JAKMIP1: variants seen among roughly 807,000 people sequenced by gnomAD.
The protein encoded by JAKMIP1 is janus kinase and microtubule interacting protein 1.
Under a neutral mutation model 113.0 loss-of-function variants are expected in JAKMIP1, and 33 were observed. That is an observed-to-expected ratio of 0.29 (90% CI 0.22 to 0.39). The LOEUF (loss-of-function observed/expected upper bound fraction) is 0.39. JAKMIP1 is among the 10% of genes least tolerant of loss of function. JAKMIP1 has a pLI of 1.00. For synonymous variants in JAKMIP1, 480 were observed against 459.9 expected (o/e 1.04, Z -0.56); for missense variants, 813 against 1,080.5 (o/e 0.75, Z 3.47).
chr4:6,078,327 A>AC (rs1386511879), intron 8 of JAKMIP1, among the ~76,000 whole-genome samples: 36 of 103,742 alleles, frequency 3.5e-4, no homozygotes, highest in African/African-American at 2.0e-3. Context: ...AAAAAAAAAC[A>AC]AAAAAAAAAT....
At chr4:6,164,111 C>T (rs1723286547) in intron 1 of JAKMIP1, among the ~76,000 whole-genome samples, 1 of 152,188 alleles carries the variant, frequency 6.6e-6, no homozygotes, top group African/African-American at 2.4e-5. Context: ...GATGAAACAA[C>T]CTTATATTGG....
chr4:6,054,461 G>T (rs1465915645), intron 12 of JAKMIP1, among the ~76,000 whole-genome samples: 1 of 152,228 alleles, frequency 6.6e-6, no homozygotes, highest in Admixed American at 6.5e-5. Context: ...GAGGCATGAA[G>T]CTATGAAGTC....
Position 6,112,956 on chromosome 4 carries a change from G to A in JAKMIP1, c.-106C>T, listed in dbSNP as rs1335727021. On this transcript the variant is annotated 5_prime_UTR_variant, in exon 2 of 21. Coordinates refer to ENST00000409021, the MANE Select transcript of JAKMIP1 (RefSeq NM_001099433.2). ...TCCACCGTGCTAACCAGTCGCGCAGGACTCAGCTCGCCCTCCGAGGAAACC... is the reference window on the plus strand; with the variant it reads ...TCCACCGTGCTAACCAGTCGCGCAGAACTCAGCTCGCCCTCCGAGGAAACC... 6 of 1,442,600 alleles carry A rather than the reference G, an allele frequency of 4.2e-6. No homozygotes were observed. Among genetic ancestry groups the A allele is most frequent in the East Asian group, 5.1e-5 (2 of 39,580 alleles). The allele number at this position is 1,442,600 out of a possible 1,614,324, so 89.4% of individuals were successfully genotyped here. A position where few individuals can be genotyped will look rare whatever the true frequency, so the allele number is the denominator to read the frequency against.
chr4:6,080,984 TACAC>T lies in JAKMIP1; in HGVS notation c.1101+621_1101+624del, dbSNP rs71173403. Among the ~76,000 whole-genome samples the T allele has an allele frequency of 7.8e-5, 11 of 141,068 alleles. No individual in the cohort carries two copies. Among genetic ancestry groups the T allele is most frequent in the South Asian group, 2.3e-4 (1 of 4,272 alleles). The allele number at this position is 141,068 out of a possible 152,430, so 92.5% of individuals were successfully genotyped here. ...GGAGAGGACTTCACACAACAGCAAT[TACAC>T]ACACACACACACACACACACACACA... On this transcript the variant is annotated intron_variant, in intron 6 of 20. Transcript: ENST00000409021. The surrounding 1 kb of genome is among the most constrained non-coding windows in gnomAD (Gnocchi z 6.0).
In JAKMIP1 at chr4:6,112,640, C is replaced by A. The variant is rs1715132441; in HGVS notation, c.129+82G>T. ...CTCGGCCCCCCTCCTGGAACAGGCT[C>A]TTCACACACATGCCTCAGAGGCAAC... On this transcript the variant is annotated intron_variant, in intron 2 of 20. Transcript: ENST00000409021. 4.2e-5 allele frequency: 64 copies of A among 1,532,264 alleles called. 1 individual carries two copies. The South Asian group carries it at 7.2e-4, about 17-fold the overall frequency. The allele number at this position is 1,532,264 out of a possible 1,614,324, so 94.9% of individuals were successfully genotyped here.
chr4:6,072,125 G>A (rs192789835), intron 8 of JAKMIP1, among the ~76,000 whole-genome samples: 2 of 152,288 alleles, frequency 1.3e-5, no homozygotes, highest in Admixed American at 1.3e-4. Flanking sequence ...GATTTACTGA[G>A]CACAAGACAA....
At chr4:6,191,174 C>T (rs1042856193) in intron 1 of JAKMIP1, among the ~76,000 whole-genome samples, 2 of 152,308 alleles carry the variant, frequency 1.3e-5, no homozygotes, top group South Asian at 2.1e-4. Context: ...TCTTGGGCCA[C>T]GCCAAAGTCA....
At chr4:6,119,500 C>T (rs1401431887) in intron 1 of JAKMIP1, among the ~76,000 whole-genome samples, 2 of 151,918 alleles carry the variant, frequency 1.3e-5, no homozygotes, top group Admixed American at 6.6e-5. Context: ...GCCGAGATCA[C>T]GCCATTGCAC....
At chr4:6,057,628 C>T (rs905331948) in intron 11 of JAKMIP1, among the ~76,000 whole-genome samples, 6 of 152,242 alleles carry the variant, frequency 3.9e-5, no homozygotes, top group African/African-American at 1.4e-4. Flanking sequence ...GTGCTCCACC[C>T]ACCTTTTGTC....
chr4:6,067,858 C>G lies in JAKMIP1; in HGVS notation c.1303-2850G>C, dbSNP rs922250310. On this transcript the variant is annotated intron_variant, in intron 8 of 20. Transcript: ENST00000409021. The surrounding 1 kb of genome is among the most constrained non-coding windows in gnomAD (Gnocchi z 4.6). ...CTCTTCTGCACACGCAGGTCACCCC[C>G]CTGAGCTCCACGTTCCACATTTTTC... is the stretch of plus-strand genomic sequence containing the variant. Among the ~76,000 whole-genome samples, 1 of 152,202 alleles carries G rather than the reference C, an allele frequency of 6.6e-6. No homozygotes were observed. The highest frequency in any genetic ancestry group is 2.4e-5 in the African/African-American group (1 of 41,438).
intron 10 of JAKMIP1, 97 bp downstream of exon 10, chr4:6,062,215 C>G (rs918437257): frequency 7.4e-7 from 1 of 1,359,678 alleles, no homozygotes; most frequent in Non-Finnish European, 1.0e-6. Flanking sequence ...AGAATCCCCT[C>G]TGAGTGTCCA....
rs924055621 is a variant in JAKMIP1, at chr4:6,150,616, G to C, written c.-147-37619C>G. ...CCTGACCTTCATGAACAGACCACGG[G>C]GCCGGCAGCACCTGCATCAGCGTCT... On this transcript the variant is annotated intron_variant, in intron 1 of 20. Transcript: ENST00000409021. This position sits in a 1 kb window ranked among gnomAD's most constrained non-coding sequence, Gnocchi z 4.8. 1.3e-5 allele frequency: 2 copies of C among 152,172 alleles called. No individual in the cohort carries two copies. Among genetic ancestry groups the C allele is most frequent in the Non-Finnish European group, 2.9e-5 (2 of 68,040 alleles). The allele number at this position is 152,172 out of a possible 1,614,324, so 9.4% of individuals were successfully genotyped here. A position where few individuals can be genotyped will look rare whatever the true frequency, so the allele number is the denominator to read the frequency against.
intron 1 of JAKMIP1, among the ~76,000 whole-genome samples, chr4:6,127,011 C>G (rs1350840919): frequency 1.3e-5 from 2 of 151,848 alleles, no homozygotes; most frequent in African/African-American, 4.8e-5. Flanking sequence ...AAACCCATAC[C>G]ACATATGCCA....
In JAKMIP1 at chr4:6,136,378, C is replaced by G. The variant is rs1296891318; in HGVS notation, c.-147-23381G>C. Among the ~76,000 whole-genome samples, 1 of 151,492 alleles carries G rather than the reference C, an allele frequency of 6.6e-6. No homozygotes were observed. The highest frequency in any genetic ancestry group is 2.4e-5 in the African/African-American group (1 of 41,158). ...TTAAGTACTTCTGACAAATCAGTAC[C>G]CTAGTGATAATATCTCCCACTGGGA... is the stretch of plus-strand genomic sequence containing the variant. On this transcript the variant is annotated intron_variant, in intron 1 of 20. Coordinates refer to ENST00000409021, the MANE Select transcript of JAKMIP1 (RefSeq NM_001099433.2). The surrounding 1 kb of genome is among the most constrained non-coding windows in gnomAD (Gnocchi z 5.9).
At chr4:6,104,903 T>C (rs1713646578) in intron 3 of JAKMIP1, among the ~76,000 whole-genome samples, 1 of 152,118 alleles carries the variant, frequency 6.6e-6, no homozygotes, top group Non-Finnish European at 1.5e-5. Context: ...GTCCTACTCA[T>C]CTCTCTGAGG....
rs1260126513 is a variant in JAKMIP1 at position 6,089,417 on chromosome 4, T to A, written c.625-3788A>T. On this transcript the variant is annotated intron_variant, in intron 3 of 20. Transcript: ENST00000409021. This position sits in a 1 kb window ranked among gnomAD's most constrained non-coding sequence, Gnocchi z 5.3. Reference sequence around the variant, plus strand: ...CTCCTCTCTTAATGCTAGCGTGAGCTAGGTACTCATTTGTACTTAAGAGAC... The same window carrying A: ...CTCCTCTCTTAATGCTAGCGTGAGCAAGGTACTCATTTGTACTTAAGAGAC... 1.3e-5 allele frequency among the ~76,000 whole-genome samples: 2 copies of A among 152,224 alleles called. No individual in the cohort carries two copies. Among genetic ancestry groups the A allele is most frequent in the African/African-American group, 4.8e-5 (2 of 41,460 alleles).
intron 18 of JAKMIP1, among the ~76,000 whole-genome samples, chr4:6,037,361 T>A (rs35432087): frequency 2.0e-4 from 22 of 109,322 alleles, no homozygotes; most frequent in Admixed American, 1.6e-4. Flanking sequence ...TAGCCCTCCA[T>A]CACCGAGGCA....
At chr4:6,120,180 CT>C (rs11370537) in intron 1 of JAKMIP1, among the ~76,000 whole-genome samples, 45,909 of 146,658 alleles carry the variant, frequency 0.31, 7,591 homozygotes, top group East Asian at 0.54. Flanking sequence ...TCTAGCCACA[CT>C]TTTTTTTTTT....
intron 1 of JAKMIP1, among the ~76,000 whole-genome samples, chr4:6,127,054 C>T (rs1345251414): frequency 6.6e-6 from 1 of 152,186 alleles, no homozygotes; most frequent in African/African-American, 2.4e-5. Flanking sequence ...CCCCATACCA[C>T]ACCCGGCCGC....
Sources: allele counts gnomAD v4.1 joint callset (sites outside exome capture counted in the v4.1 genomes callset), GRCh38; gene constraint gnomAD v4.1.1; non-coding constraint Gnocchi (gnomAD v3.1); transcripts MANE v1.5; gene names NCBI Gene and HGNC (gene_info 2026-07-23, HGNC 2026-07-21).